EPHB1: variants seen among roughly 807,000 people sequenced by gnomAD.
The protein encoded by EPHB1 is EPH receptor B1, also known as ephrin type-B receptor 1.
Under a neutral mutation model 94.4 loss-of-function variants are expected in EPHB1, and 30 were observed. That is an observed-to-expected ratio of 0.32 (90% CI 0.24 to 0.43). EPHB1 has a LOEUF of 0.43. EPHB1 is among the 20% of genes least tolerant of loss of function. The pLI is 1.00. For missense variants in EPHB1, 1,055 were observed against 1,308.3 expected (o/e 0.81, Z 2.99); for synonymous variants, 522 against 489.1 (o/e 1.07, Z -0.89).
At chr3:135,128,838 T>C (rs981549642) in intron 4 of EPHB1, among the ~76,000 whole-genome samples, 1 of 152,118 alleles carries the variant, frequency 6.6e-6, no homozygotes, top group Non-Finnish European at 1.5e-5. Context: ...GGTCATTTTT[T>C]TGTGGCCCAG....
intron 13 of EPHB1, among the ~76,000 whole-genome samples, chr3:135,241,891 C>T (rs1943793039): frequency 6.6e-6 from 1 of 152,190 alleles, no homozygotes; most frequent in Admixed American, 6.5e-5. Flanking sequence ...CAAAGCTGGG[C>T]AGCTTCAGAT....
At chr3:134,974,409 T>C (rs1303414056) in intron 3 of EPHB1, among the ~76,000 whole-genome samples, 1 of 152,212 alleles carries the variant, frequency 6.6e-6, no homozygotes, top group Non-Finnish European at 1.5e-5. Context: ...CGTTGTAAAA[T>C]GGGATTGATA....
At chr3:134,970,847 G>A (rs1433349179) in intron 3 of EPHB1, among the ~76,000 whole-genome samples, 1 of 152,100 alleles carries the variant, frequency 6.6e-6, no homozygotes, top group African/African-American at 2.4e-5. Context: ...TCACTCACCC[G>A]CCTACCATAT....
intron 5 of EPHB1, among the ~76,000 whole-genome samples, chr3:135,150,450 C>T (rs1181767918): frequency 1.3e-5 from 2 of 152,192 alleles, no homozygotes; most frequent in Non-Finnish European, 2.9e-5. Flanking sequence ...GACTCTGTCC[C>T]GTGATTGCAA....
intron 1 of EPHB1, among the ~76,000 whole-genome samples, chr3:134,878,804 A>G (rs750364114): frequency 6.6e-6 from 1 of 152,200 alleles, no homozygotes; most frequent in Non-Finnish European, 1.5e-5. Flanking sequence ...TTAAAACTTC[A>G]GTGTGTTCAT....
chr3:134,847,140 G>C (rs1305941443), intron 1 of EPHB1, among the ~76,000 whole-genome samples: 1 of 151,858 alleles, frequency 6.6e-6, no homozygotes, highest in African/African-American at 2.4e-5. Flanking sequence ...CAGGATACCC[G>C]GAGGTGACTC....
At chr3:135,042,157 C>T (rs954877316) in intron 3 of EPHB1, among the ~76,000 whole-genome samples, 1 of 152,296 alleles carries the variant, frequency 6.6e-6, no homozygotes, top group African/African-American at 2.4e-5. Context: ...GACTCGAACT[C>T]TTGGACTCAA....
intron 3 of EPHB1, among the ~76,000 whole-genome samples, chr3:135,105,755 G>C (rs72977548): frequency 6.6e-6 from 1 of 152,132 alleles, no homozygotes; most frequent in Non-Finnish European, 1.5e-5. Flanking sequence ...TGTGTGACAC[G>C]TTCCCTGGTG....
At chr3:134,860,197 T>A (rs199854888) in intron 1 of EPHB1, among the ~76,000 whole-genome samples, 11 of 38,182 alleles carry the variant, frequency 2.9e-4, no homozygotes, top group South Asian at 1.5e-3. Context: ...ACACACACAC[T>A]CTGGGAAAGG....
intron 2 of EPHB1, among the ~76,000 whole-genome samples, chr3:134,947,768 A>T (rs538153562): frequency 1.3e-5 from 2 of 152,300 alleles, no homozygotes; most frequent in African/African-American, 2.4e-5. Flanking sequence ...CAGCTCCCAT[A>T]GGAGAGTAGA....
chr3:134,854,452 G>A (rs747529296), intron 1 of EPHB1, among the ~76,000 whole-genome samples: 2 of 152,040 alleles, frequency 1.3e-5, no homozygotes, highest in Non-Finnish European at 2.9e-5. Context: ...TTATTGCACC[G>A]CATTTTGGTG....
At chr3:134,993,471 A>G (rs1193562018) in intron 3 of EPHB1, among the ~76,000 whole-genome samples, 1 of 152,170 alleles carries the variant, frequency 6.6e-6, no homozygotes, top group Non-Finnish European at 1.5e-5. Flanking sequence ...GGATCAATTG[A>G]TCGGGGACTG....
At chr3:135,112,688 T>C (rs912751445) in intron 4 of EPHB1, among the ~76,000 whole-genome samples, 5 of 151,750 alleles carry the variant, frequency 3.3e-5, no homozygotes, top group Non-Finnish European at 7.4e-5. Flanking sequence ...TGGTTTCCAG[T>C]TTCATCCATG....
intron 1 of EPHB1, among the ~76,000 whole-genome samples, chr3:134,922,143 C>T (rs1020301400): frequency 6.6e-6 from 1 of 152,240 alleles, no homozygotes; most frequent in African/African-American, 2.4e-5. Flanking sequence ...GGTTGGTCCC[C>T]GTGCCACTGT....
intron 1 of EPHB1, among the ~76,000 whole-genome samples, chr3:134,914,404 G>A (rs1029558694): frequency 3.3e-5 from 5 of 152,202 alleles, no homozygotes; most frequent in Non-Finnish European, 5.9e-5. Flanking sequence ...TTAGTGGATG[G>A]CTGAACATGA....
chr3:135,091,199 A>G (rs1378897461), intron 3 of EPHB1, among the ~76,000 whole-genome samples: 3 of 152,164 alleles, frequency 2.0e-5, no homozygotes, highest in Admixed American at 6.5e-5. Flanking sequence ...GCTGAGAAGG[A>G]GAAAGAGTTG....
At chr3:134,842,617 C>G (rs1207504710) in intron 1 of EPHB1, among the ~76,000 whole-genome samples, 1 of 152,230 alleles carries the variant, frequency 6.6e-6, no homozygotes, top group African/African-American at 2.4e-5. Flanking sequence ...CGTGGGCCTC[C>G]TTAGCTACCT....
rs532508042 is a variant in EPHB1, at chr3:135,120,760, T to C, written c.962-11954T>C. On this transcript the variant is annotated intron_variant, in intron 4 of 15. Coordinates refer to ENST00000398015, the MANE Select transcript of EPHB1 (RefSeq NM_004441.5). Reference sequence around the variant, plus strand: ...TGCGTAAGCCAGTGCCTGGAAGTTATCCATGAATATTTAACCCACAGTCAC... The same window carrying C: ...TGCGTAAGCCAGTGCCTGGAAGTTACCCATGAATATTTAACCCACAGTCAC... Among the ~76,000 whole-genome samples, 4 of 152,350 alleles carry C rather than the reference T, an allele frequency of 2.6e-5. No individual in the cohort carries two copies. The South Asian group carries it at 8.3e-4, about 32-fold the overall frequency.
Position 134,861,893 on chromosome 3 carries a change from T to G in EPHB1, c.59-63923T>G, listed in dbSNP as rs2037268619. The stretch of plus-strand genomic sequence containing the variant: ...ACTTAGAATAAAATAAAATTTAAAT[T>G]AAAAAAAAGAGAATAGCTTATGTGT... On this transcript the variant is annotated intron_variant, in intron 1 of 15. Coordinates refer to ENST00000398015, the MANE Select transcript of EPHB1 (RefSeq NM_004441.5). 1.3e-5 allele frequency among the ~76,000 whole-genome samples: 2 copies of G among 151,566 alleles called. 1 individual carries two copies. The highest frequency in any genetic ancestry group is 2.9e-5 in the Non-Finnish European group (2 of 67,896).
Sources: gnomAD v4.1 joint callset for allele counts (sites outside exome capture counted in the v4.1 genomes callset) on GRCh38, gnomAD v4.1.1 for gene constraint, MANE v1.5 for transcripts, NCBI Gene and HGNC (gene_info 2026-07-23, HGNC 2026-07-21) for gene names.